FER: variants seen among roughly 807,000 people sequenced by gnomAD.
FER encodes the protein FER tyrosine kinase.
A neutral mutation model predicts 111.0 loss-of-function variants in FER; 63 were observed. The observed-to-expected ratio is 0.57, with a 90% confidence interval of 0.46 to 0.70. The LOEUF is 0.70. FER is among the 30% of genes least tolerant of loss of function. FER has a pLI of 0.00. For synonymous variants in FER, 327 were observed against 313.9 expected, an observed-to-expected ratio of 1.04 and a Z score of -0.44; for missense variants, 914 against 954.0, an observed-to-expected ratio of 0.96 and a Z score of 0.55.
chr5:109,044,353 G>T (rs574683788), intron 14 of FER, among the ~76,000 whole-genome samples: 1 of 151,758 alleles, frequency 6.6e-6, no homozygotes, highest in East Asian at 2.0e-4. Flanking sequence ...TAATTTTTTG[G>T]TATTTTTTTA....
intron 2 of FER, among the ~76,000 whole-genome samples, chr5:108,781,792 C>G (rs1350219427): frequency 2.0e-5 from 3 of 152,138 alleles, no homozygotes; most frequent in East Asian, 1.9e-4. Flanking sequence ...GTTAGTTAGA[C>G]TCTGATAGAA....
chr5:109,020,549 A>C (rs1397441624), intron 13 of FER, among the ~76,000 whole-genome samples: 1 of 152,056 alleles, frequency 6.6e-6, no homozygotes, highest in African/African-American at 2.4e-5. Context: ...GTTTCCTTCT[A>C]TATGACTTGG....
chr5:109,056,954 A>G (rs1436735612), intron 16 of FER, among the ~76,000 whole-genome samples: 2 of 152,218 alleles, frequency 1.3e-5, no homozygotes, highest in Non-Finnish European at 2.9e-5. Context: ...TTAGTTTTTC[A>G]GTTTCTATAG....
intron 8 of FER, among the ~76,000 whole-genome samples, chr5:108,882,300 A>G (rs960344601): frequency 3.3e-5 from 5 of 152,054 alleles, no homozygotes; most frequent in Admixed American, 2.0e-4. Flanking sequence ...AAAAAAAAAT[A>G]ATATTGCTAT....
intron 10 of FER, among the ~76,000 whole-genome samples, chr5:108,920,633 A>G (rs996138394): frequency 2.0e-5 from 3 of 152,144 alleles, no homozygotes; most frequent in Non-Finnish European, 4.4e-5. Flanking sequence ...AATATATTCC[A>G]AATCTGACCT....
At chr5:108,826,697 T>G (rs1390089044) in intron 3 of FER, among the ~76,000 whole-genome samples, 1 of 152,256 alleles carries the variant, frequency 6.6e-6, no homozygotes, top group African/African-American at 2.4e-5. Flanking sequence ...ATAAATGTTT[T>G]GTAGAATTCA....
chr5:108,978,616 G>T (rs1304204515), intron 13 of FER, among the ~76,000 whole-genome samples: 1 of 152,020 alleles, frequency 6.6e-6, no homozygotes, highest in Non-Finnish European at 1.5e-5. Flanking sequence ...GTGAAGTCCG[G>T]GAGTATATTA....
At chr5:108,797,254 C>G (rs1477731432) in intron 2 of FER, among the ~76,000 whole-genome samples, 1 of 151,992 alleles carries the variant, frequency 6.6e-6, no homozygotes, top group Non-Finnish European at 1.5e-5. Flanking sequence ...GGCAGGACAA[C>G]ATTCTCTTTA....
At chr5:109,091,721 C>A (rs766430376) in intron 16 of FER, among the ~76,000 whole-genome samples, 6 of 152,074 alleles carry the variant, frequency 3.9e-5, no homozygotes, top group Non-Finnish European at 7.4e-5. Context: ...GCAAATACCC[C>A]ACCCTGGTGT....
chr5:109,174,047 C>T (rs900409071), intron 17 of FER, among the ~76,000 whole-genome samples: 8 of 152,180 alleles, frequency 5.3e-5, no homozygotes, highest in South Asian at 4.1e-4. Flanking sequence ...AGAGAACAGA[C>T]ACGCTTCCAT....
chr5:108,817,569 C>G (rs1758413798), intron 3 of FER, among the ~76,000 whole-genome samples: 1 of 152,188 alleles, frequency 6.6e-6, no homozygotes, highest in African/African-American at 2.4e-5. Flanking sequence ...AGGTATTTTT[C>G]AAGCTTGAGT....
Position 109,192,109 on chromosome 5 carries a change from G to T in FER, c.*4534G>T, listed in dbSNP as rs556055818. On this transcript the variant is annotated 3_prime_UTR_variant, in exon 20 of 20. Coordinates refer to ENST00000281092, the MANE Select transcript of FER (RefSeq NM_005246.4). ...ACTTAATAAGGACTGAGATTCTTGG[G>T]TGGCAGAAAAATCCTGGTGTGCTAG... The T allele has an allele frequency of 1.3e-5, 2 of 152,264 alleles. No homozygotes were observed. The highest frequency in any genetic ancestry group is 3.9e-4 in the East Asian group (2 of 5,188). The allele number at this position is 152,264 out of a possible 1,614,324, so 9.4% of individuals were successfully genotyped here. A position where few individuals can be genotyped will look rare whatever the true frequency, so the allele number is the denominator to read the frequency against.
At chr5:108,752,860 T>C in intron 1 of FER, among the ~76,000 whole-genome samples, 1 of 152,252 alleles carries the variant, frequency 6.6e-6, no homozygotes, top group East Asian at 1.9e-4. Context: ...ATAAACTTGA[T>C]ATTGTCACTT....
chr5:108,753,353 A>G (rs993533169), intron 1 of FER, among the ~76,000 whole-genome samples: 13 of 152,322 alleles, frequency 8.5e-5, no homozygotes, highest in African/African-American at 2.6e-4. Context: ...AGTTAGAAAT[A>G]TCTCAGATTA....
rs1759079572 is a variant in FER at position 109,188,119 on chromosome 5, A to T, written c.*544A>T. ...TTTCTTTTCTTTCTTGCCAGGTATA[A>T]GCCCAATGTAAGAATCATCATGCTC... On this transcript the variant is annotated 3_prime_UTR_variant, in exon 20 of 20. Transcript: ENST00000281092. 6.5e-6 allele frequency: 1 copy of T among 153,164 alleles called. No homozygotes were observed. Among genetic ancestry groups the T allele is most frequent in the Admixed American group, 6.5e-5 (1 of 15,300 alleles). The allele number at this position is 153,164 out of a possible 1,614,324, so 9.5% of individuals were successfully genotyped here.
chr5:109,030,233 T>C (rs536977863), intron 13 of FER, among the ~76,000 whole-genome samples: 1 of 152,142 alleles, frequency 6.6e-6, no homozygotes, highest in African/African-American at 2.4e-5. Flanking sequence ...TCAAGGGAAT[T>C]TGTAAGTGAT....
At chr5:108,976,003 A>G (rs1261935039) in intron 13 of FER, among the ~76,000 whole-genome samples, 2 of 152,190 alleles carry the variant, frequency 1.3e-5, no homozygotes, top group East Asian at 1.9e-4. Flanking sequence ...ATGGATATGT[A>G]TATCTGGAAT....
intron 5 of FER, among the ~76,000 whole-genome samples, chr5:108,845,811 T>C (rs1159527465): frequency 3.3e-5 from 5 of 152,206 alleles, no homozygotes; most frequent in African/African-American, 1.2e-4. Context: ...TCTATTCCTG[T>C]GTTAGAATGG....
At chr5:109,081,911 T>G (rs958125324) in intron 16 of FER, among the ~76,000 whole-genome samples, 2 of 152,120 alleles carry the variant, frequency 1.3e-5, no homozygotes, top group African/African-American at 2.4e-5. Context: ...GGAAGAATGC[T>G]CCATTCTTAA....
Sources: allele counts gnomAD v4.1 joint callset (sites outside exome capture counted in the v4.1 genomes callset), GRCh38; gene constraint gnomAD v4.1.1; transcripts MANE v1.5; gene names NCBI Gene and HGNC (gene_info 2026-07-23, HGNC 2026-07-21).